MYO5A: variants seen among roughly 807,000 people sequenced by gnomAD.
MYO5A encodes myosin VA.
In MYO5A, 98 loss-of-function variants were observed where a neutral mutation model predicts 249.7. The observed-to-expected ratio is 0.39, with a 90% CI of 0.33 to 0.46. The LOEUF is 0.46. MYO5A is among the 20% of genes least tolerant of loss of function. The probability of loss-of-function intolerance (pLI) is 0.98; values close to 1 mark genes in which losing one functional copy is unlikely to be tolerated. For synonymous variants in MYO5A, 778 were observed against 810.6 expected, an observed-to-expected ratio of 0.96 and a Z score of 0.68; for missense variants, 1,696 against 2,308.8, an observed-to-expected ratio of 0.73 and a Z score of 5.44.
At chr15:52,495,729 G>T (rs764770162) in intron 1 of MYO5A, among the ~76,000 whole-genome samples, 2 of 152,150 alleles carry the variant, frequency 1.3e-5, no homozygotes, top group Non-Finnish European at 2.9e-5. Context: ...AATGGACTCT[G>T]AGTGGTCAAA....
At chr15:52,494,265 T>C (rs1385251456) in intron 1 of MYO5A, among the ~76,000 whole-genome samples, 1 of 152,184 alleles carries the variant, frequency 6.6e-6, no homozygotes, top group African/African-American at 2.4e-5. Context: ...CATAATCTGC[T>C]ATCCAATATG....
At chr15:52,374,164 C>T (rs1288973598) in intron 20 of MYO5A, among the ~76,000 whole-genome samples, 2 of 152,084 alleles carry the variant, frequency 1.3e-5, no homozygotes, top group African/African-American at 4.8e-5. Flanking sequence ...AGATAAAAAT[C>T]GTTCATCAAT....
At chr15:52,454,893 C>T (rs2076088967) in intron 1 of MYO5A, among the ~76,000 whole-genome samples, 1 of 151,766 alleles carries the variant, frequency 6.6e-6, no homozygotes. Flanking sequence ...AATGAACAAT[C>T]TAATAATGGT....
rs527967271 is a variant in MYO5A, at chr15:52,314,011, G to C, written c.5490+112C>G. The stretch of plus-strand genomic sequence containing the variant: ...CAATTAACTATTATCAAAAAAGTTA[G>C]TGCATTGTAAAATAAGATAATAAAA... On this transcript the variant is annotated intron_variant, in intron 41 of 41. Transcript: ENST00000399233. 2.1e-5 allele frequency: 27 copies of C among 1,282,878 alleles called. No homozygotes were observed. In the South Asian group the frequency reaches 2.7e-4, roughly 13 times the overall value. The allele number at this position is 1,282,878 out of a possible 1,614,324, so 79.5% of individuals were successfully genotyped here. A position where few individuals can be genotyped will look rare whatever the true frequency, so the allele number is the denominator to read the frequency against.
At position 52,354,261 on chromosome 15, in the gene MYO5A, A is replaced by G. The variant is rs9920739; in HGVS notation, c.3424-247T>C. On this transcript the variant is annotated intron_variant, in intron 25 of 41. Transcript: ENST00000399233. ...ACTAAAAAGATTCATAATGCTCTGC[A>G]TTAGCCACAGTGTCTCATATGATAT... Among the ~76,000 whole-genome samples the G allele has an allele frequency of 0.097, 14,816 of 152,266 alleles. 2,241 individuals are homozygous for G. The highest frequency in any genetic ancestry group is 0.33 in the African/African-American group (13,522 of 41,484).
At chr15:52,472,109 G>A (rs916260656) in intron 1 of MYO5A, among the ~76,000 whole-genome samples, 1 of 147,390 alleles carries the variant, frequency 6.8e-6, no homozygotes, top group Non-Finnish European at 1.5e-5. Context: ...ATGGAGTCTC[G>A]CTCTTGTTGC....
intron 1 of MYO5A, among the ~76,000 whole-genome samples, chr15:52,515,846 G>A (rs2077485408): frequency 6.6e-6 from 1 of 151,410 alleles, no homozygotes; most frequent in Admixed American, 6.6e-5. Context: ...GGGAGTGTAG[G>A]TCAAGGACAG....
At chr15:52,388,153 G>T (rs531532624) in intron 13 of MYO5A, among the ~76,000 whole-genome samples, 2 of 152,166 alleles carry the variant, frequency 1.3e-5, no homozygotes, top group South Asian at 2.1e-4. Context: ...TGATCTAAAA[G>T]ATCCTCTCAG....
chr15:52,476,207 TGCAACCCC>T (rs2076588626), intron 1 of MYO5A, among the ~76,000 whole-genome samples: 2 of 152,192 alleles, frequency 1.3e-5, no homozygotes, highest in African/African-American at 2.4e-5. Context: ...AGACTAGGAT[TGCAACCCC>T]TGCCTTTTTT....
rs150607231 is a variant in MYO5A at position 52,465,931 on chromosome 15, G to A, written c.28-32646C>T. On this transcript the variant is annotated intron_variant, in intron 1 of 41. Coordinates refer to ENST00000399233, the MANE Select transcript of MYO5A (RefSeq NM_001382347.1). ...TGAGAAGAAGGAAGGTAGGTAGCCCGTATGGCCAGGACCGGCCAAAAACCA... is the reference window on the plus strand; with the variant it reads ...TGAGAAGAAGGAAGGTAGGTAGCCCATATGGCCAGGACCGGCCAAAAACCA... Among the ~76,000 whole-genome samples, 9 of 152,168 alleles carry A rather than the reference G, an allele frequency of 5.9e-5. No individual in the cohort carries two copies. The East Asian group carries it at 1.7e-3, about 29-fold the overall frequency.
chr15:52,332,853 T>C (rs28655190), intron 34 of MYO5A, among the ~76,000 whole-genome samples: 7,960 of 152,102 alleles, frequency 0.052, 592 homozygotes, highest in African/African-American at 0.17. Context: ...TAATCCCAGC[T>C]ACTTGGGAGG....
rs561115610 is a variant in MYO5A at position 52,353,952 on chromosome 15, G to A, written c.3486C>T (p.Val1162=). Residue 1162 remains valine (V), a synonymous_variant, in exon 26 of 42, where the codon GTC becomes GTT. Transcript: ENST00000399233. ...CCTGCTTCTCCTGCTCCAGCTCTGT[G>A]ACCCGCTTCTGGAGCTTAAGGAACA... ...MSLFLKLQKR[V]TELEQEKQVM... The A allele has an allele frequency of 4.3e-6, 7 of 1,614,212 alleles. No individual in the cohort carries two copies. Among genetic ancestry groups the A allele is most frequent in the East Asian group, 2.2e-5 (1 of 44,882 alleles).
chr15:52,435,173 G>A (rs2075635131), intron 1 of MYO5A, among the ~76,000 whole-genome samples: 1 of 151,642 alleles, frequency 6.6e-6, no homozygotes, highest in Non-Finnish European at 1.5e-5. Context: ...GTGGGTGAAC[G>A]AAAGTACAGG....
intron 36 of MYO5A, 62 bp from the exon 37 acceptor site, chr15:52,323,506 T>A (rs905417472): frequency 3.3e-6 from 4 of 1,218,750 alleles, no homozygotes; most frequent in Non-Finnish European, 4.8e-6. Context: ...CTAAAAAAAA[T>A]TGAACAGATA....
Position 52,309,325 on chromosome 15 carries a change from C to T in MYO5A, c.*4371G>A, listed in dbSNP as rs2037708830. 1 of 152,154 alleles carries T rather than the reference C, an allele frequency of 6.6e-6. No homozygotes were observed. The highest frequency in any genetic ancestry group is 2.4e-5 in the African/African-American group (1 of 41,424). The allele number at this position is 152,154 out of a possible 1,614,324, so 9.4% of individuals were successfully genotyped here. ...CAAGTAACTATGACAAAAAAGAAAA[C>T]CACCTGGCGCTGAGCACTTGGTCTC... On this transcript the variant is annotated 3_prime_UTR_variant, in exon 42 of 42. Transcript: ENST00000399233.
chr15:52,442,447 C>T (rs2075802251), intron 1 of MYO5A, among the ~76,000 whole-genome samples: 1 of 152,206 alleles, frequency 6.6e-6, no homozygotes, highest in Admixed American at 6.5e-5. Context: ...CTGTACCTCA[C>T]TGCAGCGTCA....
At chr15:52,483,388 T>C (rs921992609) in intron 1 of MYO5A, among the ~76,000 whole-genome samples, 1 of 152,132 alleles carries the variant, frequency 6.6e-6, no homozygotes, top group Non-Finnish European at 1.5e-5. Flanking sequence ...CAGTTACCCT[T>C]TGAAGGGACC....
At chr15:52,496,848 T>A (rs1030316108) in intron 1 of MYO5A, among the ~76,000 whole-genome samples, 5 of 152,232 alleles carry the variant, frequency 3.3e-5, no homozygotes, top group African/African-American at 7.2e-5. Flanking sequence ...GGAATGCCCT[T>A]CCTTCAGGGT....
Position 52,508,382 on chromosome 15 carries a change from GGA to G in MYO5A, c.27+20396_27+20397del, listed in dbSNP as rs1011775209. ...AACAAACATTGTTAGGGTTTTATAA[GGA>G]AAAAAAAAAAAAGTAGAACTAACCT... is the stretch of plus-strand genomic sequence containing the variant. On this transcript the variant is annotated intron_variant, in intron 1 of 41. Transcript: ENST00000399233. 7.5e-4 allele frequency among the ~76,000 whole-genome samples: 77 copies of G among 102,408 alleles called. 1 individual carries two copies. The East Asian group carries it at 0.011, about 14-fold the overall frequency. 67.2% of individuals were successfully genotyped at this position (102,408 alleles called of 152,430 possible).
Sources: gnomAD v4.1 joint callset for allele counts (sites outside exome capture counted in the v4.1 genomes callset) on GRCh38, gnomAD v4.1.1 for gene constraint, MANE v1.5 for transcripts, NCBI Gene and HGNC (gene_info 2026-07-23, HGNC 2026-07-21) for gene names.